The following DNAH11 variants were observed in gnomAD, a reference collection of about 807,000 sequenced individuals.
DNAH11 encodes the protein dynein axonemal heavy chain 11, also known as axonemal beta dynein heavy chain 11.
In DNAH11, 442 loss-of-function variants were observed where a neutral mutation model predicts 526.0. That is an observed-to-expected ratio of 0.84 (90% CI 0.78 to 0.91). The LOEUF is 0.91. Ranked by LOEUF, DNAH11 falls within the 40% of genes least tolerant of loss-of-function variation. The pLI is 0.00. For missense variants in DNAH11, 6,989 were observed against 5,448.7 expected (o/e 1.28, Z -8.90); for synonymous variants, 2,461 against 1,935.9 (o/e 1.27, Z -7.12).
intron 65 of DNAH11, among the ~76,000 whole-genome samples, chr7:21,841,755 A>G (rs1450636529): frequency 6.6e-6 from 1 of 152,238 alleles, no homozygotes; most frequent in Non-Finnish European, 1.5e-5. Context: ...GAGTGAATAC[A>G]AACTATTGTC....
intron 54 of DNAH11, among the ~76,000 whole-genome samples, chr7:21,760,688 T>C (rs973823775): frequency 1.3e-5 from 2 of 152,228 alleles, no homozygotes; most frequent in African/African-American, 4.8e-5. Flanking sequence ...CCATCCATGA[T>C]GCTGCCTAAC....
At chr7:21,742,225 A>G in intron 49 of DNAH11, 59 bp downstream of exon 49, 1 of 1,553,370 alleles carries the variant, frequency 6.4e-7, no homozygotes, top group Non-Finnish European at 8.7e-7. Context: ...AATACTATGT[A>G]TTAGCCCATT....
chr7:21,683,667 A>G, intron 31 of DNAH11, 117 bp from the exon 32 acceptor site: 2 of 1,165,588 alleles, frequency 1.7e-6, no homozygotes, highest in Non-Finnish European at 2.3e-6. Flanking sequence ...ATAGCGTGCA[A>G]GAGATTTCCT....
chr7:21,794,648 A>G (rs1788629839), intron 61 of DNAH11, among the ~76,000 whole-genome samples: 1 of 151,652 alleles, frequency 6.6e-6, no homozygotes, highest in Non-Finnish European at 1.5e-5. Flanking sequence ...TTGAACAGCC[A>G]CTCTGATTTG....
chr7:21,718,683 A>C (rs1784763370), intron 43 of DNAH11, among the ~76,000 whole-genome samples: 1 of 152,198 alleles, frequency 6.6e-6, no homozygotes, highest in African/African-American at 2.4e-5. Context: ...CCCAGCCCTT[A>C]GAAGTAGAAG....
In DNAH11 at chr7:21,773,772, C is replaced by T; in HGVS notation, c.9109C>T (p.His3037Tyr). ...IEETKGIEPV[H>Y]KDSISLFMAH... ...GTAATGTTTGTGTTTTCAGCCAGTGCACAAAGACTCTATTAGCCTTTTCAT... is the reference window on the plus strand; with the variant it reads ...GTAATGTTTGTGTTTTCAGCCAGTGTACAAAGACTCTATTAGCCTTTTCAT... Residue 3037 changes from histidine to tyrosine, a missense_variant, in exon 56 of 82, where the codon CAC becomes TAC. Transcript: ENST00000409508. 6.3e-7 allele frequency: 1 copy of T among 1,577,538 alleles called. No individual in the cohort carries two copies. The highest frequency in any genetic ancestry group is 1.2e-5 in the South Asian group (1 of 82,760).
chr7:21,786,449 C>G lies in DNAH11; in HGVS notation c.9598-175C>G, dbSNP rs72657383. 1.3e-3 allele frequency among the ~76,000 whole-genome samples: 202 copies of G among 152,224 alleles called. 1 individual carries two copies. Among genetic ancestry groups the G allele is most frequent in the Non-Finnish European group, 2.4e-3 (160 of 68,006 alleles). The stretch of plus-strand genomic sequence containing the variant: ...GTATCAGAGAAGTGCCCAGCAAGAA[C>G]TGAACCTCCTGGAGTTCCAAGGTGG... On this transcript the variant is annotated intron_variant, in intron 58 of 81. Coordinates refer to ENST00000409508, the MANE Select transcript of DNAH11 (RefSeq NM_001277115.2).
At chr7:21,775,623 A>G (rs1276692006) in intron 56 of DNAH11, among the ~76,000 whole-genome samples, 1 of 151,746 alleles carries the variant, frequency 6.6e-6, no homozygotes, top group African/African-American at 2.4e-5. Flanking sequence ...CTCAAAAAAA[A>G]AAAACAAGTC....
At chr7:21,674,734 C>T (rs1433720001) in intron 30 of DNAH11, among the ~76,000 whole-genome samples, 1 of 152,032 alleles carries the variant, frequency 6.6e-6, no homozygotes, top group Non-Finnish European at 1.5e-5. Flanking sequence ...CTACATCTCT[C>T]TCCTGAAGCA....
chr7:21,700,082 GC>G (rs1450713125), intron 36 of DNAH11, among the ~76,000 whole-genome samples: 4 of 152,218 alleles, frequency 2.6e-5, no homozygotes, highest in African/African-American at 9.6e-5. Context: ...GATTTTATTA[GC>G]CCTGTTTTAC....
chr7:21,760,351 C>T (rs981951597), intron 54 of DNAH11, among the ~76,000 whole-genome samples: 2 of 152,136 alleles, frequency 1.3e-5, no homozygotes, highest in African/African-American at 4.8e-5. Context: ...TTAGTGTAAT[C>T]CCAGCTCTGT....
At chr7:21,856,189 G>T (rs1276330738) in intron 68 of DNAH11, among the ~76,000 whole-genome samples, 2 of 152,080 alleles carry the variant, frequency 1.3e-5, no homozygotes, top group South Asian at 2.1e-4. Flanking sequence ...GGAATTTGGG[G>T]ATTATAATCT....
At chr7:21,755,371 T>C (rs2128494459) in intron 54 of DNAH11, among the ~76,000 whole-genome samples, 1 of 152,284 alleles carries the variant, frequency 6.6e-6, no homozygotes, top group African/African-American at 2.4e-5. Context: ...CAGTGGACCT[T>C]AGTTCACCCA....
chr7:21,731,722 T>G (rs1785396037), intron 45 of DNAH11, among the ~76,000 whole-genome samples: 1 of 152,202 alleles, frequency 6.6e-6, no homozygotes, highest in Admixed American at 6.5e-5. Flanking sequence ...AATTTATAAG[T>G]TAAATTGCAC....
At chr7:21,900,961 A>AGTAGC in intron 81 of DNAH11, 46 bp from the exon 82 acceptor site, 1 of 1,520,860 alleles carries the variant, frequency 6.6e-7, no homozygotes, top group Middle Eastern at 1.8e-4. Context: ...CATTATCATT[A>AGTAGC]GTAGCAAGCT....
Position 21,901,348 on chromosome 7 carries a change from T to TTAGTAACTCACACGTG in DNAH11, c.*95_*110dup. 7.0e-7 allele frequency: 1 copy of TTAGTAACTCACACGTG among 1,421,140 alleles called. No homozygotes were observed. The highest frequency in any genetic ancestry group is 9.2e-7 in the Non-Finnish European group (1 of 1,081,612). The allele number at this position is 1,421,140 out of a possible 1,614,324, so 88.0% of individuals were successfully genotyped here. On this transcript the variant is annotated 3_prime_UTR_variant, in exon 82 of 82. Transcript: ENST00000409508. ...TTCCCATGCACATTATTCTAACTTT[T>TTAGTAACTCACACGTG]TAGTAACTCACACGTGCATTCTTTT...
In DNAH11 at chr7:21,774,010, G is replaced by A; in HGVS notation, c.9336+11G>A. 1.9e-6 allele frequency: 3 copies of A among 1,541,004 alleles called. No individual in the cohort carries two copies. Among genetic ancestry groups the A allele is most frequent in the Non-Finnish European group, 2.6e-6 (3 of 1,144,262 alleles). ...ACCACAGCCTCTCAGGTATGACCAGGATGTGTTATTACTGAGTAATATTTA... is the reference window on the plus strand; with the variant it reads ...ACCACAGCCTCTCAGGTATGACCAGAATGTGTTATTACTGAGTAATATTTA... On this transcript the variant is annotated intron_variant, in intron 56 of 81. Coordinates refer to ENST00000409508, the MANE Select transcript of DNAH11 (RefSeq NM_001277115.2).
Position 21,899,601 on chromosome 7 carries a change from C to CA in DNAH11, c.13162+154dup, listed in dbSNP as rs150286858. 0.03 allele frequency among the ~76,000 whole-genome samples: 4,609 copies of CA among 152,260 alleles called. 241 individuals carry two copies. Among genetic ancestry groups the CA allele is most frequent in the African/African-American group, 0.1 (4,344 of 41,518 alleles). On this transcript the variant is annotated intron_variant, in intron 80 of 81. Coordinates refer to ENST00000409508, the MANE Select transcript of DNAH11 (RefSeq NM_001277115.2). The stretch of plus-strand genomic sequence containing the variant: ...AAAGGACCAGCAGCTATAGAGGAAA[C>CA]AGAGTCCTGGGCAGGCGAGTAGCAG...
chr7:21,776,935 CGTGTGTGTGTGT>C (rs3061429), intron 56 of DNAH11, among the ~76,000 whole-genome samples: 289 of 149,792 alleles, frequency 1.9e-3, no homozygotes, highest in Non-Finnish European at 3.2e-3. Context: ...TTTATTTGTA[CGTGTGTGTGTGT>C]GTGTGTGTGT....
Sources: allele counts gnomAD v4.1 joint callset (sites outside exome capture counted in the v4.1 genomes callset), GRCh38; gene constraint gnomAD v4.1.1; transcripts MANE v1.5; gene names NCBI Gene and HGNC (gene_info 2026-07-23, HGNC 2026-07-21).